Variants in CPAMD8 observed in about 807,000 individuals in gnomAD.
The protein encoded by CPAMD8 is C3 and PZP like alpha-2-macroglobulin domain containing 8.
Under a neutral mutation model 224.7 loss-of-function variants are expected in CPAMD8, and 146 were observed. The observed-to-expected ratio is 0.65, with a 90% CI of 0.57 to 0.75. The LOEUF is 0.75. Among genes scored for constraint, CPAMD8 ranks in the 30% least tolerant of loss-of-function variants. The pLI, the probability that CPAMD8 is intolerant of heterozygous loss-of-function variation, is 0.00. For missense variants in CPAMD8, 2,301 were observed against 2,537.5 expected, an observed-to-expected ratio of 0.91 and a Z score of 2.00; for synonymous variants, 966 against 1,044.6, an observed-to-expected ratio of 0.92 and a Z score of 1.45.
intron 29 of CPAMD8, among the ~76,000 whole-genome samples, chr19:16,912,019 G>A (rs1402043328): frequency 6.6e-6 from 1 of 152,166 alleles, no homozygotes; most frequent in Non-Finnish European, 1.5e-5. Context: ...CTAATGATCT[G>A]TCACTGTCTC....
In CPAMD8 at chr19:16,973,904, A is replaced by T. The variant is rs1311288009; in HGVS notation, c.2070+1193T>A. ...GAGTGAAGTGATGTGATCTCTGCTC[A>T]CTGCAACCTCCACCTCCCGGGCTCA... On this transcript the variant is annotated intron_variant, in intron 17 of 41. Transcript: ENST00000443236. 2.2e-5 allele frequency among the ~76,000 whole-genome samples: 3 copies of T among 133,572 alleles called. No homozygotes were observed. The East Asian group carries it at 6.6e-4, about 29-fold the overall frequency. 87.6% of individuals were successfully genotyped at this position (133,572 alleles called of 152,430 possible).
At chr19:17,021,923 A>C in intron 2 of CPAMD8, 107 bp downstream of exon 2, 11 of 469,192 alleles carry the variant, frequency 2.3e-5, no homozygotes, top group East Asian at 1.6e-4. Context: ...GATTTAGGGC[A>C]GAAGGGAAGC....
chr19:16,903,791 G>A lies in CPAMD8; in HGVS notation c.4318C>T (p.Leu1440Phe), dbSNP rs1177828962. 5 of 1,614,132 alleles carry A rather than the reference G, an allele frequency of 3.1e-6. No individual in the cohort carries two copies. In the Admixed American group the frequency reaches 5.0e-5, roughly 16 times the overall value. Reference protein sequence around the residue: ...AILSYAGGINLTVSLASTNLD... With the variant: ...AILSYAGGINFTVSLASTNLD... ...TTGGTGGAGGCCAGGGAGACAGTGA[G>A]GTTGATGCCTCCAGCATAGGACAAG... The change falls in exon 33 of 42, where the codon CTC becomes TTC. Residue 1440 changes from leucine (L) to phenylalanine (F), a missense_variant. Leu to Phe is a conservative substitution (Grantham distance 22, BLOSUM62 0). Transcript: ENST00000443236.
intron 25 of CPAMD8, among the ~76,000 whole-genome samples, chr19:16,925,650 G>T (rs964718311): frequency 6.6e-6 from 1 of 152,102 alleles, no homozygotes; most frequent in Non-Finnish European, 1.5e-5. Flanking sequence ...TTTTAAAATA[G>T]GTGCATTGAA....
chr19:16,983,882 C>T (rs2055609773), intron 13 of CPAMD8, among the ~76,000 whole-genome samples: 1 of 152,078 alleles, frequency 6.6e-6, no homozygotes, highest in African/African-American at 2.4e-5. Flanking sequence ...TATATGAAAA[C>T]ACAAAGGACT....
In CPAMD8 at chr19:16,993,491, T is replaced by G. The variant is rs1325766713; in HGVS notation, c.1191A>C (p.Glu397Asp). The G allele has an allele frequency of 1.9e-6, 3 of 1,614,016 alleles. No homozygotes were observed. The highest frequency in any genetic ancestry group is 2.5e-6 in the Non-Finnish European group (3 of 1,179,914). The change falls in exon 12 of 42, where the codon GAA (glutamate) becomes GAC (aspartate). Residue 397 changes from glutamate to aspartate, a missense_variant. This residue lies in a region of CPAMD8 where 301 missense variants were observed against 406.6 expected (regional missense o/e 0.74). Coordinates refer to ENST00000443236, the MANE Select transcript of CPAMD8 (RefSeq NM_015692.5). ...LTPKDNIYTSEVVSQRGLVGF... is the reference protein window; with the variant it reads ...LTPKDNIYTSDVVSQRGLVGF... ...CCACTAGTCCACGCTGGGACACAAC[T>G]TCACTGGTGTAGATGTTATCCTTTG...
chr19:16,945,289 A>G (rs1187842239), intron 22 of CPAMD8, among the ~76,000 whole-genome samples: 1 of 152,190 alleles, frequency 6.6e-6, no homozygotes, highest in Non-Finnish European at 1.5e-5. Context: ...CCCAGGGGTC[A>G]GGGAGCACTT....
rs151281183 is a variant in CPAMD8, at chr19:16,997,013, C to T, written c.1095+98G>A. The T allele has an allele frequency of 2.0e-3, 1,486 of 760,066 alleles. 13 individuals carry two copies. Among genetic ancestry groups the T allele is most frequent in the African/African-American group, 0.018 (1,067 of 58,520 alleles). The allele number at this position is 760,066 out of a possible 1,614,324, so 47.1% of individuals were successfully genotyped here. A position where few individuals can be genotyped will look rare whatever the true frequency, so the allele number is the denominator to read the frequency against. On this transcript the variant is annotated intron_variant, in intron 11 of 41. Transcript: ENST00000443236. ...CTCCGCAAAGGTTATGTCAGGGGAT[C>T]CGTTTTCAGCTGAGTCACCACTGCA...
intron 15 of CPAMD8, 30 bp from the exon 16 acceptor site, chr19:16,976,181 A>C: frequency 6.3e-7 from 1 of 1,592,776 alleles, no homozygotes; most frequent in Non-Finnish European, 8.6e-7. Flanking sequence ...GGGATAAGAA[A>C]CTTGGTTCAG....
intron 3 of CPAMD8, among the ~76,000 whole-genome samples, chr19:17,014,090 T>C (rs985316505): frequency 1.3e-5 from 2 of 150,312 alleles, no homozygotes; most frequent in African/African-American, 2.4e-5. Context: ...TCTTGCTCTG[T>C]CGCCAGACTG....
At chr19:17,017,878 A>T (rs1342494993) in intron 3 of CPAMD8, among the ~76,000 whole-genome samples, 1 of 152,026 alleles carries the variant, frequency 6.6e-6, no homozygotes, top group African/African-American at 2.4e-5. Context: ...TAAAAATACA[A>T]AAAAATTAGC....
intron 3 of CPAMD8, 129 bp from the exon 4 acceptor site, chr19:17,011,886 T>G: frequency 1.9e-6 from 2 of 1,046,998 alleles, no homozygotes; most frequent in Middle Eastern, 2.4e-4. Context: ...AGGGGGACAC[T>G]TGGCAGTTTC....
At chr19:16,902,148 C>A (rs2052283660) in intron 35 of CPAMD8, among the ~76,000 whole-genome samples, 1 of 152,160 alleles carries the variant, frequency 6.6e-6, no homozygotes, top group South Asian at 2.1e-4. Flanking sequence ...CCCAGCCACA[C>A]ATCGCTGTCC....
intron 9 of CPAMD8, among the ~76,000 whole-genome samples, chr19:17,001,276 CTG>C (rs1319409081): frequency 7.5e-6 from 1 of 133,902 alleles, no homozygotes; most frequent in Non-Finnish European, 1.5e-5. Flanking sequence ...AGAGCTGAGA[CTG>C]TCACTACACT....
intron 29 of CPAMD8, chr19:16,907,644 G>A (rs899909214): frequency 6.7e-6 from 1 of 150,204 alleles, no homozygotes; most frequent in Non-Finnish European, 1.5e-5. Flanking sequence ...ATCTTACTCT[G>A]TTGCCCAGGC....
Position 16,979,060 on chromosome 19 carries a change from CATCT to C in CPAMD8, c.1585+1433_1585+1436del, listed in dbSNP as rs1304939359. ...TCATCCACCCACCCCACTATCCATC[CATCT>C]ATTCTTCCATCCATCATCCCCCATT... is the stretch of plus-strand genomic sequence containing the variant. On this transcript the variant is annotated intron_variant, in intron 14 of 41. Transcript: ENST00000443236. 3.3e-5 allele frequency among the ~76,000 whole-genome samples: 5 copies of C among 151,348 alleles called. No homozygotes were observed. The South Asian group carries it at 6.3e-4, about 19-fold the overall frequency.
intron 3 of CPAMD8, among the ~76,000 whole-genome samples, chr19:17,018,284 CT>C (rs2056863806): frequency 6.6e-6 from 1 of 152,146 alleles, no homozygotes; most frequent in African/African-American, 2.4e-5. Context: ...AATCCAAGGA[CT>C]CCAGTTTGAA....
At chr19:16,962,759 A>C (rs1054629023) in intron 18 of CPAMD8, among the ~76,000 whole-genome samples, 26 of 152,190 alleles carry the variant, frequency 1.7e-4, no homozygotes, top group African/African-American at 6.0e-4. Flanking sequence ...CCAAAGTTGA[A>C]ATGAAGGAAA....
chr19:16,953,635 AGAGT>A (rs1055738828), intron 19 of CPAMD8, among the ~76,000 whole-genome samples: 4 of 148,112 alleles, frequency 2.7e-5, no homozygotes, highest in African/African-American at 1.0e-4. Context: ...CCTGGGTGAC[AGAGT>A]GAGACCTTGT....
Sources: allele counts gnomAD v4.1 joint callset (sites outside exome capture counted in the v4.1 genomes callset), GRCh38; gene constraint gnomAD v4.1.1; regional missense constraint gnomAD v4.1.1; transcripts MANE v1.5; gene names NCBI Gene and HGNC (gene_info 2026-07-23, HGNC 2026-07-21).